Variants in CPM observed in about 807,000 individuals in gnomAD.
The protein encoded by CPM is carboxypeptidase M.
Under a neutral mutation model 46.4 loss-of-function variants are expected in CPM, and 35 were observed. The observed-to-expected ratio is 0.75, with a 90% CI of 0.58 to 1.00. The LOEUF is 1.00. Ranked by LOEUF, CPM falls within the 50% of genes least tolerant of loss-of-function variation. The probability of loss-of-function intolerance (pLI) is 0.00; values close to 1 mark genes in which losing one functional copy is unlikely to be tolerated. For missense variants in CPM, 422 were observed against 530.4 expected (o/e 0.80, Z 2.01); for synonymous variants, 195 against 195.3 (o/e 1.00, Z 0.01).
At chr12:68,874,681 A>C (rs1885862987) in intron 3 of CPM, among the ~76,000 whole-genome samples, 1 of 152,150 alleles carries the variant, frequency 6.6e-6, no homozygotes, top group Non-Finnish European at 1.5e-5. Context: ...TTGGGGAGGA[A>C]TAGGTACAGG....
chr12:68,864,894 T>TGC (rs1885367681), intron 7 of CPM, among the ~76,000 whole-genome samples: 2 of 152,086 alleles, frequency 1.3e-5, no homozygotes, highest in African/African-American at 4.8e-5. Flanking sequence ...TGTGCACCTG[T>TGC]AGTCCTACTT....
intron 1 of CPM, among the ~76,000 whole-genome samples, chr12:68,947,585 A>C (rs1180328275): frequency 6.6e-6 from 1 of 151,620 alleles, no homozygotes; most frequent in Non-Finnish European, 1.5e-5. Context: ...CAACAGAGTA[A>C]GACTCTGTCT....
chr12:68,871,068 A>G (rs1885672607), intron 4 of CPM, among the ~76,000 whole-genome samples: 1 of 152,254 alleles, frequency 6.6e-6, no homozygotes, highest in Admixed American at 6.5e-5. Context: ...AATTGCATAC[A>G]TATGAATGTA....
intron 7 of CPM, among the ~76,000 whole-genome samples, chr12:68,864,624 T>C (rs1592637887): frequency 6.6e-6 from 1 of 152,150 alleles, no homozygotes; most frequent in South Asian, 2.1e-4. Flanking sequence ...TAGATTGAGG[T>C]TCTGAAAATA....
chr12:68,925,549 C>G (rs1037451841), intron 2 of CPM, among the ~76,000 whole-genome samples: 1 of 152,136 alleles, frequency 6.6e-6, no homozygotes, highest in Admixed American at 6.5e-5. Flanking sequence ...TATCTATTGA[C>G]AGGACACAAA....
chr12:68,847,008 CAG>C (rs1220248007), downstream of CPM: 3 of 151,246 alleles, frequency 2.0e-5, no homozygotes, highest in African/African-American at 7.3e-5. Flanking sequence ...TTTGCTGAGA[CAG>C]GGTCTCATTC....
rs113035006 is a variant in CPM, at chr12:68,908,996, T to C, written c.161-23107A>G. Among the ~76,000 whole-genome samples the C allele has an allele frequency of 5.5e-3, 840 of 152,332 alleles. 5 individuals are homozygous for C. Among genetic ancestry groups the C allele is most frequent in the African/African-American group, 0.019 (795 of 41,572 alleles). ...GTGTTTGTTCATCTGGGGCAGTACC[T>C]CAATGTTTATCTAATGTTGAATTAA... On this transcript the variant is annotated intron_variant, in intron 2 of 8. Coordinates refer to ENST00000551568, the MANE Select transcript of CPM (RefSeq NM_198320.5).
At chr12:68,890,241 A>T (rs1886599517) in intron 2 of CPM, among the ~76,000 whole-genome samples, 1 of 152,166 alleles carries the variant, frequency 6.6e-6, no homozygotes, top group South Asian at 2.1e-4. Flanking sequence ...CTCTTAAAAA[A>T]TTAATAATAA....
Position 68,948,546 on chromosome 12 carries a change from G to C in CPM, c.-4+14623C>G, listed in dbSNP as rs566921857. 2.0e-5 allele frequency among the ~76,000 whole-genome samples: 3 copies of C among 152,192 alleles called. No individual in the cohort carries two copies. The South Asian group carries it at 6.2e-4, about 32-fold the overall frequency. On this transcript the variant is annotated intron_variant, in intron 1 of 8. Transcript: ENST00000546373. ...GGTTTTGGGGGGAGGGTAGGGAGGA[G>C]GTCCCTCTACTCCATTTATCATCTC...
chr12:68,881,717 AT>A (rs1292851439), intron 3 of CPM, among the ~76,000 whole-genome samples: 44 of 122,034 alleles, frequency 3.6e-4, no homozygotes, highest in African/African-American at 1.2e-3. Flanking sequence ...TTTTGTAATA[AT>A]TTTTTTTTCT....
At chr12:68,879,536 A>T (rs1240602495) in intron 3 of CPM, among the ~76,000 whole-genome samples, 2 of 151,920 alleles carry the variant, frequency 1.3e-5, no homozygotes, top group Non-Finnish European at 2.9e-5. Context: ...GCTAATTTTT[A>T]AATTTTTTTT....
In CPM at chr12:68,882,430, G is replaced by A. The variant is rs556457143; in HGVS notation, c.258+3362C>T. Reference sequence around the variant, plus strand: ...TTTTCATGGCTGCATAGTATTCCACGATGTATATGTACCATGTTTTCTTTA... The same window carrying A: ...TTTTCATGGCTGCATAGTATTCCACAATGTATATGTACCATGTTTTCTTTA... On this transcript the variant is annotated intron_variant, in intron 3 of 8. Coordinates refer to ENST00000551568, the MANE Select transcript of CPM (RefSeq NM_198320.5). 7.2e-5 allele frequency among the ~76,000 whole-genome samples: 11 copies of A among 152,218 alleles called. No individual in the cohort carries two copies. In the South Asian group the frequency reaches 1.7e-3, roughly 23 times the overall value.
At chr12:68,907,329 C>A (rs1887394351) in intron 2 of CPM, among the ~76,000 whole-genome samples, 1 of 152,202 alleles carries the variant, frequency 6.6e-6, no homozygotes, top group African/African-American at 2.4e-5. Flanking sequence ...TGGAGCTAGA[C>A]AACTTGAGTC....
At chr12:68,912,468 C>T (rs1887636491) in intron 2 of CPM, among the ~76,000 whole-genome samples, 1 of 152,090 alleles carries the variant, frequency 6.6e-6, no homozygotes. Flanking sequence ...TTCATTTGGA[C>T]CCTACCGTCT....
chr12:68,884,685 T>G (rs1886354997), intron 3 of CPM, among the ~76,000 whole-genome samples: 1 of 152,230 alleles, frequency 6.6e-6, no homozygotes, highest in African/African-American at 2.4e-5. Flanking sequence ...CAAAGTTTCC[T>G]TACTGGGATG....
intron 2 of CPM, among the ~76,000 whole-genome samples, chr12:68,892,995 T>C (rs1886717967): frequency 6.6e-6 from 1 of 151,738 alleles, no homozygotes; most frequent in Non-Finnish European, 1.5e-5. Context: ...AGGGAGAGCA[T>C]TAGGACAAAT....
At chr12:68,890,020 C>T (rs1253016835) in intron 2 of CPM, among the ~76,000 whole-genome samples, 1 of 152,178 alleles carries the variant, frequency 6.6e-6, no homozygotes, top group Admixed American at 6.5e-5. Context: ...TTTTAGGCTT[C>T]AGCCTGCCTG....
intron 2 of CPM, among the ~76,000 whole-genome samples, chr12:68,889,054 T>A (rs1374782899): frequency 2.6e-5 from 4 of 152,196 alleles, no homozygotes; most frequent in Admixed American, 1.3e-4. Flanking sequence ...AAAGTGCCAA[T>A]TCCTGAGCCC....
At chr12:68,932,087 C>CT (rs1250474749) in intron 2 of CPM, among the ~76,000 whole-genome samples, 1 of 152,148 alleles carries the variant, frequency 6.6e-6, no homozygotes, top group Admixed American at 6.5e-5. Flanking sequence ...CATAGAACCA[C>CT]TTTTTTGCAT....
Sources: gnomAD v4.1 joint callset for allele counts (sites outside exome capture counted in the v4.1 genomes callset) on GRCh38, gnomAD v4.1.1 for gene constraint, MANE v1.5 for transcripts, NCBI Gene and HGNC (gene_info 2026-07-23, HGNC 2026-07-21) for gene names.